The following DNAH10 variants were observed in gnomAD, a reference collection of about 807,000 sequenced individuals.
DNAH10 encodes axonemal beta dynein heavy chain 10.
DNAH10 carries 348 observed loss-of-function variants against 506.6 expected under a neutral mutation model. The ratio of observed to expected loss-of-function variants is 0.69; its 90% confidence interval spans 0.63 to 0.75. The LOEUF is 0.75. DNAH10 is among the 30% of genes least tolerant of loss of function. DNAH10 has a pLI of 0.00. For synonymous variants in DNAH10, 2,059 were observed against 2,198.6 expected, an observed-to-expected ratio of 0.94 and a Z score of 1.78; for missense variants, 5,179 against 5,787.1, an observed-to-expected ratio of 0.89 and a Z score of 3.41.
At chr12:123,859,815 C>T (rs1005618558) in intron 38 of DNAH10, among the ~76,000 whole-genome samples, 13 of 152,030 alleles carry the variant, frequency 8.6e-5, no homozygotes, top group African/African-American at 1.4e-4. Flanking sequence ...GGGAGGATCC[C>T]ATAGTCCAGG....
chr12:123,841,773 C>A (rs1016929066), intron 30 of DNAH10, among the ~76,000 whole-genome samples: 5 of 152,208 alleles, frequency 3.3e-5, no homozygotes, highest in African/African-American at 9.7e-5. Flanking sequence ...GCAGCCTTGA[C>A]CTCCCTGGTT....
intron 41 of DNAH10, 114 bp downstream of exon 41, chr12:123,866,187 C>G (rs575109160): frequency 1.4e-6 from 1 of 704,920 alleles, no homozygotes; most frequent in East Asian, 3.9e-5. Context: ...TTGACCTGCC[C>G]ATGTCCCTGA....
chr12:123,934,281 C>T, intron 77 of DNAH10: 1 of 693,606 alleles, frequency 1.4e-6, no homozygotes, highest in Non-Finnish European at 2.6e-6. Flanking sequence ...CCCATTCTGA[C>T]TCTGGGACCA....
intron 14 of DNAH10, 102 bp from the exon 15 acceptor site, chr12:123,800,114 C>A: frequency 8.4e-7 from 1 of 1,186,004 alleles, no homozygotes; most frequent in South Asian, 1.7e-5. Context: ...TGGTGAAGGG[C>A]CCAGTGTTGA....
At chr12:123,823,431 T>C (rs1959635249) in intron 24 of DNAH10, among the ~76,000 whole-genome samples, 1 of 152,128 alleles carries the variant, frequency 6.6e-6, no homozygotes, top group African/African-American at 2.4e-5. Context: ...GCTTGCATTT[T>C]AGGACAATTA....
rs1401972309 is a variant in DNAH10, at chr12:123,894,717, T to A, written c.9274T>A (p.Phe3092Ile). 1 of 1,613,850 alleles carries A rather than the reference T, an allele frequency of 6.2e-7. No individual in the cohort carries two copies. Among genetic ancestry groups the A allele is most frequent in the Admixed American group, 1.7e-5 (1 of 60,028 alleles). The part of the protein sequence containing the change: ...PQALHAVAKS[F>I]LGYNPMIPAE... ...AGCCCTCCATGCGGTCGCAAAGTCC[T>A]TTCTAGGTAAGTCACAGCTGTTATG... Residue 3092 changes from phenylalanine (F) to isoleucine (I), a missense_variant, in exon 54 of 79, where the codon TTT (phenylalanine) becomes ATT (isoleucine). Physicochemically the swap from Phe to Ile is conservative, Grantham distance 21 (BLOSUM62 0). Transcript: ENST00000673944.
In DNAH10 at chr12:123,928,305, G is replaced by C. The variant is rs1035553285; in HGVS notation, c.12106-82G>C. On this transcript the variant is annotated intron_variant, in intron 69 of 78. Coordinates refer to ENST00000673944, the MANE Select transcript of DNAH10 (RefSeq NM_001372106.1). The surrounding 1 kb of genome is among the most constrained non-coding windows in gnomAD (Gnocchi z 4.9). ...CTGCTGGAGCTGCCATCGCCCTTCT[G>C]TGGGTGTGGAGTGGGTCTCTGGAGA... 2.1e-5 allele frequency: 30 copies of C among 1,456,832 alleles called. No homozygotes were observed. The highest frequency in any genetic ancestry group is 4.2e-5 in the Admixed American group (2 of 47,458). The allele number at this position is 1,456,832 out of a possible 1,614,324, so 90.2% of individuals were successfully genotyped here.
chr12:123,833,385 G>C, intron 27 of DNAH10, 38 bp downstream of exon 27: 4 of 1,464,914 alleles, frequency 2.7e-6, no homozygotes, highest in Non-Finnish European at 3.8e-6. Flanking sequence ...ATTAGAGCCA[G>C]TGCATAGCAG....
In DNAH10 at chr12:123,935,074, TAA is replaced by T. The variant is rs1955428770; in HGVS notation, c.13624-259_13624-258del. Reference sequence around the variant, plus strand: ...AATGCTGCAGACATTGCCTGAGTCATAAAGTGGTTCCCGCTGGTGTGGACAGC... The same window carrying T: ...AATGCTGCAGACATTGCCTGAGTCATAGTGGTTCCCGCTGGTGTGGACAGC... On this transcript the variant is annotated intron_variant, in intron 78 of 78. Coordinates refer to ENST00000673944, the MANE Select transcript of DNAH10 (RefSeq NM_001372106.1). 16 of 599,412 alleles carry T rather than the reference TAA, an allele frequency of 2.7e-5. No individual in the cohort carries two copies. In the South Asian group the frequency reaches 3.2e-4, roughly 12 times the overall value. The allele number at this position is 599,412 out of a possible 1,614,324, so 37.1% of individuals were successfully genotyped here.
rs892553129 is a variant in DNAH10, at chr12:123,935,525, T to C, written c.*44T>C. On this transcript the variant is annotated 3_prime_UTR_variant, in exon 79 of 79. Transcript: ENST00000673944. The stretch of plus-strand genomic sequence containing the variant: ...TGCTTAATGAATTCGGAGCCTGGGG[T>C]TGTCAGAGTGATCGGGTCTGCTGTC... The C allele has an allele frequency of 2.0e-6, 3 of 1,512,276 alleles. No homozygotes were observed. In the African/African-American group the frequency reaches 5.0e-5, roughly 25 times the overall value. 93.7% of individuals were successfully genotyped at this position (1,512,276 alleles called of 1,614,324 possible).
At position 123,818,935 on chromosome 12, in the gene DNAH10, G is replaced by C. The variant is rs750549690; in HGVS notation, c.3781-15G>C. On this transcript the variant is annotated splice_polypyrimidine_tract_variant and intron_variant, in intron 21 of 78. Transcript: ENST00000673944. ...TCATTTGTTGTTTATTCTGTTTTTTGTTTCTCCTAATTAGCCTCCTGATGC... is the reference window on the plus strand; with the variant it reads ...TCATTTGTTGTTTATTCTGTTTTTTCTTTCTCCTAATTAGCCTCCTGATGC... 2.6e-6 allele frequency: 4 copies of C among 1,532,176 alleles called. No individual in the cohort carries two copies. The highest frequency in any genetic ancestry group is 1.2e-5 in the South Asian group (1 of 83,332). 94.9% of individuals were successfully genotyped at this position (1,532,176 alleles called of 1,614,324 possible). A position where few individuals can be genotyped will look rare whatever the true frequency, so the allele number is the denominator to read the frequency against.
chr12:123,827,525 G>A (rs1960118636), intron 25 of DNAH10, among the ~76,000 whole-genome samples: 1 of 152,190 alleles, frequency 6.6e-6, no homozygotes, highest in South Asian at 2.1e-4. Context: ...TGGGACAGAG[G>A]GGGCATGGGT....
chr12:123,882,336 T>G (rs1172685648), intron 51 of DNAH10: 1 of 152,468 alleles, frequency 6.6e-6, no homozygotes, highest in Non-Finnish European at 1.5e-5. Context: ...CTGCACAGCC[T>G]GCACACACAG....
rs377702949 is a variant in DNAH10 at position 123,808,876 on chromosome 12, A to G, written c.3067A>G (p.Ile1023Val). 1.9e-6 allele frequency: 3 copies of G among 1,614,146 alleles called. No homozygotes were observed. Among genetic ancestry groups the G allele is most frequent in the Non-Finnish European group, 1.7e-6 (2 of 1,180,038 alleles). The change falls in exon 19 of 79, where the codon ATC becomes GTC. Residue 1023 changes from isoleucine to valine, a missense_variant. By Grantham distance (29) the Ile-to-Val change is conservative (BLOSUM62 3). Around this residue, in one of 3 missense-constraint regions of DNAH10, gnomAD observed 4,844 missense variants for 5,430.5 expected, o/e 0.89. Transcript: ENST00000673944. Reference protein sequence around the residue: ...HTETILTAPEIILHPNTNEID... With the variant: ...HTETILTAPEVILHPNTNEID... Reference sequence around the variant, plus strand: ...TGAAACCATTCTGACGGCACCTGAGATCATCCTTCATCCCAACACAAATGA... The same window carrying G: ...TGAAACCATTCTGACGGCACCTGAGGTCATCCTTCATCCCAACACAAATGA...
At chr12:123,815,053 C>T (rs1281057697) in intron 21 of DNAH10, among the ~76,000 whole-genome samples, 1 of 150,774 alleles carries the variant, frequency 6.6e-6, no homozygotes. Flanking sequence ...TGTCAAATTC[C>T]AACAACAACA....
intron 1 of DNAH10, among the ~76,000 whole-genome samples, chr12:123,766,132 A>G (rs1957039828): frequency 6.7e-6 from 1 of 149,230 alleles, no homozygotes; most frequent in Admixed American, 6.6e-5. Flanking sequence ...CTATACATCT[A>G]TCTCCTGTCT....
rs145994829 is a variant in DNAH10 at position 123,828,752 on chromosome 12, A to G, written c.4392-1794A>G. ...CTTTCTGGTGGCTTGTAGTTAGAAG[A>G]TAAGTGATTTCCTTAAAATGCATGG... is the stretch of plus-strand genomic sequence containing the variant. On this transcript the variant is annotated intron_variant, in intron 25 of 78. Transcript: ENST00000673944. Among the ~76,000 whole-genome samples, 204 of 152,302 alleles carry G rather than the reference A, an allele frequency of 1.3e-3. 4 individuals are homozygous for G. Among genetic ancestry groups the G allele is most frequent in the East Asian group, 0.011 (57 of 5,188 alleles).
At position 123,917,680 on chromosome 12, in the gene DNAH10, C is replaced by A. The variant is rs1354915195; in HGVS notation, c.11099C>A (p.Thr3700Asn). The A allele has an allele frequency of 6.4e-7, 1 of 1,553,158 alleles. No homozygotes were observed. Among genetic ancestry groups the A allele is most frequent in the Non-Finnish European group, 8.7e-7 (1 of 1,147,960 alleles). The change falls in exon 64 of 79, where the codon ACC (threonine) becomes AAC (asparagine). Residue 3700 changes from threonine to asparagine, a missense_variant. Coordinates refer to ENST00000673944, the MANE Select transcript of DNAH10 (RefSeq NM_001372106.1). This position sits in a 1 kb window ranked among gnomAD's most constrained non-coding sequence, Gnocchi z 5.6. Reference sequence around the variant, plus strand: ...CAGCGGGAGCACCTCATCCAGGAGACCAGCGAGAACAAGAACCTGCTCAAG... The same window carrying A: ...CAGCGGGAGCACCTCATCCAGGAGAACAGCGAGAACAAGAACCTGCTCAAG... ...EEQREHLIQE[T>N]SENKNLLKDL...
At chr12:123,818,832 T>G (rs1959189434) in intron 21 of DNAH10, 118 bp from the exon 22 acceptor site, 1 of 676,100 alleles carries the variant, frequency 1.5e-6, no homozygotes, top group Non-Finnish European at 2.6e-6. Flanking sequence ...TTGGTTTGAA[T>G]TACCTAGCCT....
Sources: allele counts gnomAD v4.1 joint callset (sites outside exome capture counted in the v4.1 genomes callset), GRCh38; gene constraint gnomAD v4.1.1; regional missense constraint gnomAD v4.1.1; non-coding constraint Gnocchi (gnomAD v3.1); transcripts MANE v1.5; gene names NCBI Gene and HGNC (gene_info 2026-07-23, HGNC 2026-07-21).